SPAG16: variants seen among roughly 807,000 people sequenced by gnomAD.
SPAG16 encodes the protein sperm associated antigen 16.
SPAG16 carries 86 observed loss-of-function variants against 80.4 expected under a neutral mutation model. That is an observed-to-expected ratio of 1.07 (90% CI 0.90 to 1.28). The LOEUF (loss-of-function observed/expected upper bound fraction) is 1.28, where lower values mean the gene tolerates loss of function less well. SPAG16 is among the 50% of genes most tolerant of loss of function. The probability of loss-of-function intolerance (pLI) is 0.00; values close to 1 mark genes in which losing one functional copy is unlikely to be tolerated. For synonymous variants in SPAG16, 294 were observed against 265.9 expected (o/e 1.11, Z -1.03); for missense variants, 870 against 765.3 (o/e 1.14, Z -1.61).
At chr2:213,694,044 AAAAAAAAAAAG>A (rs1462533769) in intron 10 of SPAG16, among the ~76,000 whole-genome samples, 2 of 147,760 alleles carry the variant, frequency 1.4e-5, no homozygotes, top group African/African-American at 5.0e-5. Flanking sequence ...ATGCAAGACA[AAAAAAAAAAAG>A]AAAAAAGAGA....
chr2:214,208,224 AT>A (rs1429252558), intron 15 of SPAG16, among the ~76,000 whole-genome samples: 1 of 152,204 alleles, frequency 6.6e-6, no homozygotes, highest in East Asian at 1.9e-4. Context: ...AAAGAGAATA[AT>A]TTAGGTTTCC....
chr2:213,343,498 T>G (rs1374075181), intron 6 of SPAG16, among the ~76,000 whole-genome samples: 1 of 152,122 alleles, frequency 6.6e-6, no homozygotes, highest in Admixed American at 6.6e-5. Context: ...TATAGATATA[T>G]CTAGAAGCAG....
intron 14 of SPAG16, among the ~76,000 whole-genome samples, chr2:214,133,115 TA>T (rs1559830722): frequency 1.3e-5 from 1 of 74,682 alleles, no homozygotes; most frequent in Non-Finnish European, 2.7e-5. Context: ...ATAAAAAAAA[TA>T]AATAAATAAT....
chr2:214,122,655 C>G (rs1300276669), intron 14 of SPAG16, among the ~76,000 whole-genome samples: 1 of 151,824 alleles, frequency 6.6e-6, no homozygotes, highest in African/African-American at 2.4e-5. Flanking sequence ...AGTATTTATG[C>G]ACCAAAATTA....
intron 13 of SPAG16, among the ~76,000 whole-genome samples, chr2:214,094,009 T>C (rs2052409371): frequency 6.6e-6 from 1 of 152,216 alleles, no homozygotes; most frequent in African/African-American, 2.4e-5. Context: ...GGAACGACCA[T>C]ATCACCTGGG....
chr2:213,847,311 A>C (rs1299085702), intron 10 of SPAG16, among the ~76,000 whole-genome samples: 1 of 152,148 alleles, frequency 6.6e-6, no homozygotes, highest in East Asian at 1.9e-4. Context: ...TTATAAAGAA[A>C]AGAGGTTTAA....
At chr2:213,857,562 A>C (rs2075230584) in intron 10 of SPAG16, among the ~76,000 whole-genome samples, 1 of 152,216 alleles carries the variant, frequency 6.6e-6, no homozygotes, top group Non-Finnish European at 1.5e-5. Context: ...CAGAAAAAAA[A>C]ATGATTCTTT....
intron 10 of SPAG16, among the ~76,000 whole-genome samples, chr2:213,698,662 T>G (rs2065263258): frequency 1.3e-5 from 2 of 152,224 alleles, no homozygotes; most frequent in Admixed American, 6.5e-5. Flanking sequence ...ACACTCTTAG[T>G]ACTCACCTGG....
intron 11 of SPAG16, among the ~76,000 whole-genome samples, chr2:213,887,525 T>C (rs1434216947): frequency 6.6e-6 from 1 of 151,878 alleles, no homozygotes; most frequent in Non-Finnish European, 1.5e-5. Flanking sequence ...AAACATGTAA[T>C]TTAAAAAATA....
intron 12 of SPAG16, among the ~76,000 whole-genome samples, chr2:214,010,943 T>C (rs1018049704): frequency 6.8e-6 from 1 of 146,298 alleles, no homozygotes; most frequent in Non-Finnish European, 1.5e-5. Context: ...AAATGAAATG[T>C]TATTAAAATA....
At chr2:213,475,511 C>T (rs1559170480) in intron 9 of SPAG16, among the ~76,000 whole-genome samples, 2 of 152,322 alleles carry the variant, frequency 1.3e-5, no homozygotes, top group Admixed American at 6.5e-5. Flanking sequence ...GCCTTAGTCT[C>T]TCCCTTGCTA....
chr2:213,858,586 G>T (rs3845645), intron 10 of SPAG16, among the ~76,000 whole-genome samples: 9 of 152,060 alleles, frequency 5.9e-5, no homozygotes, highest in Middle Eastern at 6.8e-3. Context: ...TATTCACTTT[G>T]TTGAGATTGT....
Position 213,870,321 on chromosome 2 carries a change from T to C in SPAG16, c.1214+7693T>C, listed in dbSNP as rs947523234. Among the ~76,000 whole-genome samples the C allele has an allele frequency of 4.0e-4, 61 of 150,792 alleles. 1 individual carries two copies. The highest frequency in any genetic ancestry group is 1.4e-3 in the African/African-American group (59 of 41,350). Reference sequence around the variant, plus strand: ...AAGACAAATCAAGATATCTTTGTTATATTAAGCCTTATAAGACTGGACGGC... The same window carrying C: ...AAGACAAATCAAGATATCTTTGTTACATTAAGCCTTATAAGACTGGACGGC... On this transcript the variant is annotated intron_variant, in intron 11 of 15. Transcript: ENST00000331683.
At chr2:213,924,787 T>C (rs1453580365) in intron 11 of SPAG16, among the ~76,000 whole-genome samples, 1 of 152,226 alleles carries the variant, frequency 6.6e-6, no homozygotes, top group African/African-American at 2.4e-5. Context: ...TTATGTCTTT[T>C]AGCTTCCACT....
intron 10 of SPAG16, among the ~76,000 whole-genome samples, chr2:213,583,173 T>G (rs1261350727): frequency 6.6e-6 from 1 of 152,142 alleles, no homozygotes; most frequent in Non-Finnish European, 1.5e-5. Context: ...GACTGCTCTA[T>G]TTCAGATAAT....
chr2:214,020,746 G>T (rs144994367), intron 13 of SPAG16, among the ~76,000 whole-genome samples: 1 of 152,266 alleles, frequency 6.6e-6, no homozygotes, highest in East Asian at 1.9e-4. Context: ...TTAAAATTTT[G>T]TTAGGGTTTC....
intron 10 of SPAG16, among the ~76,000 whole-genome samples, chr2:213,532,656 T>C (rs2076111977): frequency 6.6e-6 from 1 of 151,644 alleles, no homozygotes; most frequent in Admixed American, 6.6e-5. Flanking sequence ...AGAGATGTGG[T>C]TTCACTATGT....
chr2:214,257,591 A>T (rs1218203361), intron 15 of SPAG16, among the ~76,000 whole-genome samples: 2 of 152,108 alleles, frequency 1.3e-5, no homozygotes, highest in Admixed American at 6.6e-5. Flanking sequence ...TGAAATGACC[A>T]TGTAATTGTT....
At chr2:213,969,505 C>A (rs1045750383) in intron 12 of SPAG16, among the ~76,000 whole-genome samples, 1 of 152,044 alleles carries the variant, frequency 6.6e-6, no homozygotes, top group Non-Finnish European at 1.5e-5. Context: ...GGGATTTAGG[C>A]CTTTATAAAC....
Sources: gnomAD v4.1 joint callset for allele counts (sites outside exome capture counted in the v4.1 genomes callset) on GRCh38, gnomAD v4.1.1 for gene constraint, MANE v1.5 for transcripts, NCBI Gene and HGNC (gene_info 2026-07-23, HGNC 2026-07-21) for gene names.